The following LYSMD4 variants were observed in gnomAD, a reference collection of about 807,000 sequenced individuals.
LYSMD4 encodes the protein lysM and putative peptidoglycan-binding domain-containing protein 4.
In LYSMD4, 9 loss-of-function variants were observed where a neutral mutation model predicts 6.1. The observed-to-expected ratio is 1.47, with a 90% CI of 0.88 to 2.56. The LOEUF is 2.56. Among genes scored for constraint, LYSMD4 ranks in the 30% most tolerant of loss-of-function variants. The pLI is 0.00. For synonymous variants in LYSMD4, 143 were observed against 148.5 expected (o/e 0.96, Z 0.27); for missense variants, 384 against 373.5 (o/e 1.03, Z -0.23).
upstream of LYSMD4, among the ~76,000 whole-genome samples, chr15:99,721,161 G>A (rs1448423226): frequency 6.6e-6 from 1 of 152,204 alleles, no homozygotes; most frequent in African/African-American, 2.4e-5. Flanking sequence ...AGATGGGGAA[G>A]CATTGACCTG....
At chr15:99,716,341 A>G (rs903767037) in exon 1 of LYSMD4, 9 of 350,858 alleles carry the variant, frequency 2.6e-5, no homozygotes, top group Non-Finnish European at 5.1e-5. Flanking sequence ...GTTAATCTCA[A>G]TTTTTCCCTG....
upstream of LYSMD4, among the ~76,000 whole-genome samples, chr15:99,719,156 A>G (rs2059219215): frequency 6.6e-6 from 1 of 151,400 alleles, no homozygotes; most frequent in East Asian, 2.0e-4. Flanking sequence ...GAGAGCATTT[A>G]TGTGGTTTTG....
Position 99,729,363 on chromosome 15 carries a change from C to G in LYSMD4, c.651G>C (p.Gln217His), listed in dbSNP as rs754716399. The G allele has an allele frequency of 2.5e-6, 4 of 1,614,140 alleles. No homozygotes were observed. In the African/African-American group the frequency reaches 5.3e-5, roughly 22 times the overall value. Residue 217 changes from glutamine to histidine, a missense_variant, in exon 3 of 3, where the codon CAG becomes CAC. Physicochemically the swap from Gln to His is conservative, Grantham distance 24. Transcript: ENST00000684762. ...TPMDGADCGIQWWNAVFIMLL... is the reference protein window; with the variant it reads ...TPMDGADCGIHWWNAVFIMLL... ...GCATGATGAAAACAGCATTCCACCACTGAATGCCACAATCTGCACCATCCA... is the reference window on the plus strand; with the variant it reads ...GCATGATGAAAACAGCATTCCACCAGTGAATGCCACAATCTGCACCATCCA...
At chr15:99,732,263 C>T (rs2059437210) in intron 1 of LYSMD4, among the ~76,000 whole-genome samples, 1 of 152,212 alleles carries the variant, frequency 6.6e-6, no homozygotes, top group South Asian at 2.1e-4. Context: ...GTTCCTCATC[C>T]ATAGCTGTCT....
Position 99,729,230 on chromosome 15 carries a change from T to G in LYSMD4, c.784A>C (p.Met262Leu). The G allele has an allele frequency of 1.2e-6, 2 of 1,614,230 alleles. No individual in the cohort carries two copies. The highest frequency in any genetic ancestry group is 2.2e-5 in the South Asian group (2 of 91,082). Residue 262 changes from methionine (M) to leucine (L), a missense_variant, in exon 3 of 3, where the codon ATG (methionine) becomes CTG (leucine). Met to Leu is a conservative substitution (Grantham distance 15, BLOSUM62 2). Transcript: ENST00000684762. The part of the protein sequence containing the change: ...LNTTVIPNGS[M>L]AMGTVPGQAP... ...TGCCCTGGAACTGTACCCATTGCCA[T>G]CGAGCCATTGGGGATGACAGTTGTG...
chr15:99,721,398 C>T (rs146624099), upstream of LYSMD4, among the ~76,000 whole-genome samples: 1 of 152,304 alleles, frequency 6.6e-6, no homozygotes, highest in Non-Finnish European at 1.5e-5. Flanking sequence ...GGTACATGGG[C>T]TATCCTTCCT....
exon 1 of LYSMD4, chr15:99,716,474 C>T: frequency 2.2e-6 from 1 of 456,842 alleles, no homozygotes; most frequent in South Asian, 1.5e-5. Context: ...TAAAGACGGA[C>T]TGGCTCTTCC....
chr15:99,725,633 C>T (rs2059272234), downstream of LYSMD4, among the ~76,000 whole-genome samples: 1 of 152,126 alleles, frequency 6.6e-6, no homozygotes, highest in African/African-American at 2.4e-5. Context: ...CAGGTAAATG[C>T]TGATTCTACA....
exon 1 of LYSMD4, chr15:99,716,999 G>A (rs554241093): frequency 5.8e-5 from 15 of 258,900 alleles, no homozygotes; most frequent in Middle Eastern, 1.5e-3. Flanking sequence ...CAGAGTGTTA[G>A]GTGTACGTCC....
chr15:99,719,349 G>T, upstream of LYSMD4, among the ~76,000 whole-genome samples: 1 of 152,004 alleles, frequency 6.6e-6, no homozygotes, highest in East Asian at 1.9e-4. Context: ...TATTTTGAGG[G>T]GTGTATGAAT....
chr15:99,716,286 T>C, exon 1 of LYSMD4: 1 of 345,410 alleles, frequency 2.9e-6, no homozygotes, highest in Non-Finnish European at 5.7e-6. Flanking sequence ...CGGCACAAGC[T>C]GGACTTTGTT....
chr15:99,719,893 C>T (rs908693462), upstream of LYSMD4, among the ~76,000 whole-genome samples: 2 of 152,118 alleles, frequency 1.3e-5, no homozygotes, highest in African/African-American at 4.8e-5. Context: ...AAGTGTATCT[C>T]AATGTTGTAA....
At chr15:99,721,909 T>G (rs574477228), upstream of LYSMD4, among the ~76,000 whole-genome samples, 1 of 152,210 alleles carries the variant, frequency 6.6e-6, no homozygotes, top group South Asian at 2.1e-4. Flanking sequence ...TTGCAAACCA[T>G]AGGACAGAGC....
chr15:99,718,775 T>G (rs11247123), upstream of LYSMD4, among the ~76,000 whole-genome samples: 84,536 of 151,986 alleles, frequency 0.56, 23,708 homozygotes, highest in Non-Finnish European at 0.58. Context: ...CTTTTTCCAC[T>G]ATTCCTGGTT....
downstream of LYSMD4, among the ~76,000 whole-genome samples, chr15:99,725,955 G>A (rs144313725): frequency 3.0e-4 from 45 of 152,228 alleles, no homozygotes; most frequent in Non-Finnish European, 5.1e-4. Context: ...TGCCTGCGTC[G>A]TAGGGAGGTA....
exon 1 of LYSMD4, chr15:99,716,828 ATACGCCAAAGCCTGT>A (rs1567542580): frequency 2.6e-6 from 1 of 379,404 alleles, no homozygotes; most frequent in Non-Finnish European, 5.3e-6. Flanking sequence ...CTCACAGGAA[ATACGCCAAAGCCTGT>A]TAGAGGGGGT....
chr15:99,717,862 T>G (rs2059200953), upstream of LYSMD4: 1 of 152,256 alleles, frequency 6.6e-6, no homozygotes, highest in African/African-American at 2.4e-5. Flanking sequence ...CTGGTTTCAC[T>G]ACACAGTCCC....
Position 99,729,246 on chromosome 15 carries a change from G to C in LYSMD4, c.768C>G (p.Val256=). Reference sequence around the variant, plus strand: ...CCATTGCCATCGAGCCATTGGGGATGACAGTTGTGTTCAAGCTATTAGGGG... The same window carrying C: ...CCATTGCCATCGAGCCATTGGGGATCACAGTTGTGTTCAAGCTATTAGGGG... ...GETPNSLNTT[V]IPNGSMAMGT... The change falls in exon 3 of 3, where the codon GTC becomes GTG. Residue 256 remains valine, a synonymous_variant. Coordinates refer to ENST00000684762, the MANE Select transcript of LYSMD4 (RefSeq NM_001284417.2). 6.2e-7 allele frequency: 1 copy of C among 1,614,236 alleles called. No homozygotes were observed. Among genetic ancestry groups the C allele is most frequent in the Non-Finnish European group, 8.5e-7 (1 of 1,180,042 alleles).
At chr15:99,718,192 T>C (rs1316209928), upstream of LYSMD4, among the ~76,000 whole-genome samples, 3 of 152,234 alleles carry the variant, frequency 2.0e-5, no homozygotes, top group Non-Finnish European at 1.5e-5. Flanking sequence ...ATCGGTTATT[T>C]TGTCTAATAC....
Sources: gnomAD v4.1 joint callset for allele counts (sites outside exome capture counted in the v4.1 genomes callset) on GRCh38, gnomAD v4.1.1 for gene constraint, MANE v1.5 for transcripts, NCBI Gene and HGNC (gene_info 2026-07-23, HGNC 2026-07-21) for gene names.